Variants in TBCA observed in about 807,000 individuals in gnomAD.
The protein encoded by TBCA is tubulin folding cofactor A, also known as tubulin-specific chaperone A.
Under a neutral mutation model 15.8 loss-of-function variants are expected in TBCA, and 6 were observed. The ratio of observed to expected loss-of-function variants is 0.38; its 90% confidence interval spans 0.21 to 0.75. TBCA has a LOEUF of 0.75. TBCA is among the 30% of genes least tolerant of loss of function. The pLI is 0.46. For missense variants in TBCA, 90 were observed against 131.2 expected, an observed-to-expected ratio of 0.69 and a Z score of 1.53; for synonymous variants, 32 against 42.3, an observed-to-expected ratio of 0.76 and a Z score of 0.94.
intron 1 of TBCA, among the ~76,000 whole-genome samples, chr5:77,769,757 T>C (rs1179719310): frequency 2.0e-5 from 3 of 152,114 alleles, no homozygotes; most frequent in African/African-American, 4.8e-5. Context: ...TTATGGTATG[T>C]CAGCTACATT....
intron 1 of TBCA, among the ~76,000 whole-genome samples, chr5:77,720,847 C>T (rs1240852791): frequency 6.6e-6 from 1 of 152,082 alleles, no homozygotes; most frequent in Admixed American, 6.6e-5. Context: ...AATTTCCTTC[C>T]AAAATTGTTA....
At chr5:77,715,429 G>C (rs930020560) in intron 1 of TBCA, 2 of 575,002 alleles carry the variant, frequency 3.5e-6, no homozygotes, top group African/African-American at 1.9e-5. Context: ...AAGAAGGATA[G>C]AATAGATTCT....
chr5:77,698,512 C>CA (rs1233063882), intron 2 of TBCA, among the ~76,000 whole-genome samples: 1 of 152,128 alleles, frequency 6.6e-6, no homozygotes, highest in Non-Finnish European at 1.5e-5. Flanking sequence ...AATGAAGTTG[C>CA]AATTTAAAAG....
chr5:77,736,530 T>G (rs1208753769), intron 1 of TBCA, among the ~76,000 whole-genome samples: 1 of 152,214 alleles, frequency 6.6e-6, no homozygotes, highest in Non-Finnish European at 1.5e-5. Flanking sequence ...CTGCGTGTAT[T>G]TCTCAGTATA....
chr5:77,757,295 C>T (rs1210309445), intron 1 of TBCA, among the ~76,000 whole-genome samples: 1 of 152,098 alleles, frequency 6.6e-6, no homozygotes, highest in Admixed American at 6.5e-5. Flanking sequence ...AAAAAAACCC[C>T]AATTCAGCTA....
At chr5:77,750,190 AT>A (rs1747290317) in intron 1 of TBCA, among the ~76,000 whole-genome samples, 1 of 151,522 alleles carries the variant, frequency 6.6e-6, no homozygotes, top group Non-Finnish European at 1.5e-5. Flanking sequence ...ACAAATACAT[AT>A]ACACACACAC....
At chr5:77,730,834 T>G (rs1476709754) in intron 1 of TBCA, among the ~76,000 whole-genome samples, 1 of 152,198 alleles carries the variant, frequency 6.6e-6, no homozygotes, top group Non-Finnish European at 1.5e-5. Context: ...CTAGTCTCAC[T>G]AAATAGGTTA....
In TBCA at chr5:77,701,682, C is replaced by CATATAT. The variant is rs58679612; in HGVS notation, c.159+6554_159+6559dup. 3.5e-3 allele frequency among the ~76,000 whole-genome samples: 177 copies of CATATAT among 50,950 alleles called. 6 individuals carry two copies. Among genetic ancestry groups the CATATAT allele is most frequent in the Admixed American group, 4.2e-3 (16 of 3,804 alleles). The allele number at this position is 50,950 out of a possible 152,430, so 33.4% of individuals were successfully genotyped here. A position where few individuals can be genotyped will look rare whatever the true frequency, so the allele number is the denominator to read the frequency against. On this transcript the variant is annotated intron_variant, in intron 2 of 3. Coordinates refer to ENST00000380377, the MANE Select transcript of TBCA (RefSeq NM_004607.3). Reference sequence around the variant, plus strand: ...CAACAAGTGGATAAACTGTGGCATGCATATATATATATATATATATATATA... The same window carrying CATATAT: ...CAACAAGTGGATAAACTGTGGCATGCATATATATATATATATATATATATATATATA...
intron 1 of TBCA, among the ~76,000 whole-genome samples, chr5:77,762,630 CA>C (rs1747668374): frequency 6.6e-6 from 1 of 152,124 alleles, no homozygotes; most frequent in Admixed American, 6.5e-5. Flanking sequence ...AAGAACCACT[CA>C]AAAAGTATTA....
intron 1 of TBCA, among the ~76,000 whole-genome samples, chr5:77,767,862 T>A (rs1331868552): frequency 6.6e-6 from 1 of 152,206 alleles, no homozygotes; most frequent in African/African-American, 2.4e-5. Flanking sequence ...AATGTTCGTA[T>A]CCCTCCAAAA....
At chr5:77,736,610 C>G (rs527338206) in intron 1 of TBCA, among the ~76,000 whole-genome samples, 1 of 152,240 alleles carries the variant, frequency 6.6e-6, no homozygotes, top group South Asian at 2.1e-4. Flanking sequence ...TAGTCATTTC[C>G]TAAATGAGCT....
chr5:77,764,741 A>G (rs558120388), intron 1 of TBCA, among the ~76,000 whole-genome samples: 82 of 152,016 alleles, frequency 5.4e-4, no homozygotes, highest in African/African-American at 1.9e-3. Flanking sequence ...ATAGAGTATT[A>G]CAGTGCTTTC....
At chr5:77,723,878 A>C (rs1167965879) in intron 1 of TBCA, among the ~76,000 whole-genome samples, 2 of 152,012 alleles carry the variant, frequency 1.3e-5, no homozygotes, top group African/African-American at 4.8e-5. Context: ...GGGAGAATGT[A>C]AGTGCCCATG....
chr5:77,694,245 C>T (rs1254498379), intron 2 of TBCA: 1 of 152,178 alleles, frequency 6.6e-6, no homozygotes, highest in African/African-American at 2.4e-5. Context: ...AAAGTTATTA[C>T]TTATCCTCAT....
chr5:77,692,277 C>T (rs779396413), intron 3 of TBCA: 33 of 985,080 alleles, frequency 3.3e-5, no homozygotes, highest in East Asian at 1.1e-4. Flanking sequence ...GAAAGCAAAA[C>T]GACTGAGAAT....
At chr5:77,704,369 A>G (rs949647191) in intron 2 of TBCA, among the ~76,000 whole-genome samples, 14 of 152,202 alleles carry the variant, frequency 9.2e-5, no homozygotes, top group African/African-American at 3.1e-4. Context: ...TTGGTAGAGA[A>G]TAAGAGATAG....
intron 1 of TBCA, among the ~76,000 whole-genome samples, chr5:77,714,845 C>T (rs542712201): frequency 1.5e-4 from 23 of 152,190 alleles, no homozygotes; most frequent in African/African-American, 5.1e-4. Flanking sequence ...GGATTACAGA[C>T]GTGAGCCACT....
intron 2 of TBCA, among the ~76,000 whole-genome samples, chr5:77,698,272 G>A (rs1485773039): frequency 1.3e-5 from 2 of 151,394 alleles, no homozygotes; most frequent in Admixed American, 6.6e-5. Flanking sequence ...ATATCATTAC[G>A]GATCCTGCAA....
At chr5:77,749,845 G>A (rs994801552) in intron 1 of TBCA, among the ~76,000 whole-genome samples, 1 of 152,160 alleles carries the variant, frequency 6.6e-6, no homozygotes, top group African/African-American at 2.4e-5. Context: ...TTTTTTAAAT[G>A]TGGTATGTCC....
Sources: allele counts gnomAD v4.1 joint callset (sites outside exome capture counted in the v4.1 genomes callset), GRCh38; gene constraint gnomAD v4.1.1; transcripts MANE v1.5; gene names NCBI Gene and HGNC (gene_info 2026-07-23, HGNC 2026-07-21).